The following JAKMIP2 variants were observed in gnomAD, a reference collection of about 807,000 sequenced individuals.
JAKMIP2 encodes janus kinase and microtubule-interacting protein 2.
A neutral mutation model predicts 115.0 loss-of-function variants in JAKMIP2; 25 were observed. The observed-to-expected ratio is 0.22, with a 90% confidence interval of 0.16 to 0.30. The LOEUF (loss-of-function observed/expected upper bound fraction) is 0.30, where lower values mean the gene tolerates loss of function less well. Ranked by LOEUF, JAKMIP2 falls within the 10% of genes least tolerant of loss-of-function variation. JAKMIP2 has a pLI of 1.00. For synonymous variants in JAKMIP2, 334 were observed against 343.6 expected (o/e 0.97, Z 0.31); for missense variants, 642 against 957.6 (o/e 0.67, Z 4.35).
chr5:147,749,714 A>C (rs1754481924), intron 1 of JAKMIP2, among the ~76,000 whole-genome samples: 1 of 152,240 alleles, frequency 6.6e-6, no homozygotes, highest in African/African-American at 2.4e-5. Flanking sequence ...TGGATTATAA[A>C]GAATCAAATG....
intron 1 of JAKMIP2, among the ~76,000 whole-genome samples, chr5:147,755,723 T>C (rs1443790725): frequency 6.6e-6 from 1 of 152,112 alleles, no homozygotes; most frequent in East Asian, 1.9e-4. Context: ...GGAGCAATCA[T>C]AGTGCATTTC....
At chr5:147,761,976 A>G (rs11745685) in intron 1 of JAKMIP2, among the ~76,000 whole-genome samples, 21,746 of 152,098 alleles carry the variant, frequency 0.14, 2,333 homozygotes, top group East Asian at 0.4. Context: ...GGATAAAAAT[A>G]CATATGTCTT....
At chr5:147,661,707 T>C (rs1581373540) in intron 2 of JAKMIP2, 1 of 412,148 alleles carries the variant, frequency 2.4e-6, no homozygotes, top group Admixed American at 4.2e-5. Flanking sequence ...ATGTGTGGTC[T>C]GCAGACAAGC....
In JAKMIP2 at chr5:147,660,982, A is replaced by G; in HGVS notation, c.593T>C (p.Ile198Thr). The stretch of plus-strand genomic sequence containing the variant: ...AATATCCCGCTCCGACTCCCACTTG[A>G]TCTTCGAGATGGCTTCTTGGTGGGA... ...HQSHQEAISK[I>T]KWESERDIRR... The change falls in exon 3 of 22, where the codon ATC becomes ACC. Residue 198 changes from isoleucine (I) to threonine (T), a missense_variant. This residue lies in a region of JAKMIP2 where 439 missense variants were observed against 570.9 expected (regional missense o/e 0.77). Transcript: ENST00000616793. The G allele has an allele frequency of 6.2e-7, 1 of 1,613,640 alleles. No homozygotes were observed. The highest frequency in any genetic ancestry group is 8.5e-7 in the Non-Finnish European group (1 of 1,179,920).
At chr5:147,737,312 A>G (rs1402064840) in intron 1 of JAKMIP2, among the ~76,000 whole-genome samples, 1 of 152,154 alleles carries the variant, frequency 6.6e-6, no homozygotes, top group Non-Finnish European at 1.5e-5. Flanking sequence ...TTATTTTCTC[A>G]GTTTTAGACC....
chr5:147,602,040 A>G (rs1755723346), intron 20 of JAKMIP2, among the ~76,000 whole-genome samples: 1 of 152,206 alleles, frequency 6.6e-6, no homozygotes, highest in African/African-American at 2.4e-5. Context: ...GGTCTTACGA[A>G]CAATTGGTCT....
intron 1 of JAKMIP2, among the ~76,000 whole-genome samples, chr5:147,679,643 A>G (rs1030331848): frequency 6.6e-6 from 1 of 152,234 alleles, no homozygotes; most frequent in Non-Finnish European, 1.5e-5. Flanking sequence ...GCATTAACTC[A>G]TTGAACTATT....
Position 147,648,365 on chromosome 5 carries a change from GTA to G in JAKMIP2, c.936+9_936+10del. On this transcript the variant is annotated intron_variant, in intron 5 of 21. Coordinates refer to ENST00000616793, the MANE Select transcript of JAKMIP2 (RefSeq NM_001270941.2). ...ACAACAACATCAACAAAAATTTTTA[GTA>G]TATCTCACCAGTTCATTTCGTTCAT... 2 of 1,495,932 alleles carry G rather than the reference GTA, an allele frequency of 1.3e-6. No homozygotes were observed. Among genetic ancestry groups the G allele is most frequent in the Non-Finnish European group, 1.9e-6 (2 of 1,075,780 alleles). 92.7% of individuals were successfully genotyped at this position (1,495,932 alleles called of 1,614,324 possible). A position where few individuals can be genotyped will look rare whatever the true frequency, so the allele number is the denominator to read the frequency against.
chr5:147,773,104 T>C (rs1424410710), intron 1 of JAKMIP2, among the ~76,000 whole-genome samples: 1 of 152,132 alleles, frequency 6.6e-6, no homozygotes, highest in Non-Finnish European at 1.5e-5. Flanking sequence ...TAGTTTTACT[T>C]GAATTATAAA....
At position 147,735,177 on chromosome 5, in the gene JAKMIP2, C is replaced by T. The variant is rs547281481; in HGVS notation, c.-149+47279G>A. On this transcript the variant is annotated intron_variant, in intron 1 of 21. Coordinates refer to ENST00000616793, the MANE Select transcript of JAKMIP2 (RefSeq NM_001270941.2). ...AGCTTTACCAACAATAAGACCTTGG[C>T]CAAATTACTTAAACTGTCTTAGTTC... 2.0e-5 allele frequency among the ~76,000 whole-genome samples: 3 copies of T among 152,176 alleles called. No individual in the cohort carries two copies. The East Asian group carries it at 5.8e-4, about 29-fold the overall frequency.
chr5:147,632,788 T>A lies in JAKMIP2; in HGVS notation c.1678-10A>T, dbSNP rs1304279668. 4 of 1,569,382 alleles carry A rather than the reference T, an allele frequency of 2.5e-6. No homozygotes were observed. The highest frequency in any genetic ancestry group is 1.7e-5 in the Admixed American group (1 of 59,574). On this transcript the variant is annotated splice_polypyrimidine_tract_variant and intron_variant, in intron 12 of 21. Transcript: ENST00000616793. The stretch of plus-strand genomic sequence containing the variant: ...CCTCCTGTTTTTCTATCTAATAAAG[T>A]AAATCCTGAAGTTAGGTAAGCATTG...
intron 1 of JAKMIP2, among the ~76,000 whole-genome samples, chr5:147,773,065 A>G (rs1755424984): frequency 6.6e-6 from 1 of 152,184 alleles, no homozygotes; most frequent in Non-Finnish European, 1.5e-5. Context: ...TAGGAAGGTC[A>G]GCGCTAACGC....
intron 21 of JAKMIP2, among the ~76,000 whole-genome samples, chr5:147,598,291 C>T (rs1004804027): frequency 2.6e-5 from 4 of 152,078 alleles, no homozygotes; most frequent in Admixed American, 6.6e-5. Flanking sequence ...GAGCCATCAG[C>T]GGTTCTTGGG....
chr5:147,640,974 C>T, intron 8 of JAKMIP2, 151 bp from the exon 9 acceptor site: 1 of 595,288 alleles, frequency 1.7e-6, no homozygotes, highest in Non-Finnish European at 2.8e-6. Flanking sequence ...TAGGCATGAG[C>T]ATAATTCCAA....
At position 147,589,842 on chromosome 5, in the gene JAKMIP2, T is replaced by A. The variant is rs1269011834; in HGVS notation, c.*1865A>T. 6.6e-6 allele frequency: 1 copy of A among 152,250 alleles called. No homozygotes were observed. The highest frequency in any genetic ancestry group is 6.5e-5 in the Admixed American group (1 of 15,284). 9.4% of individuals were successfully genotyped at this position (152,250 alleles called of 1,614,324 possible). On this transcript the variant is annotated 3_prime_UTR_variant, in exon 22 of 22. Transcript: ENST00000616793. ...CTTAAATTTAACCAAACTGAAGCACTATTTTATTACATGAGGGAATCTTTT... is the reference window on the plus strand; with the variant it reads ...CTTAAATTTAACCAAACTGAAGCACAATTTTATTACATGAGGGAATCTTTT...
At chr5:147,607,795 G>T (rs77648345) in intron 20 of JAKMIP2, among the ~76,000 whole-genome samples, 1 of 152,040 alleles carries the variant, frequency 6.6e-6, no homozygotes, top group African/African-American at 2.4e-5. Context: ...CTGTGAATCC[G>T]CCTGGTCCTG....
At chr5:147,758,530 T>C (rs993783486) in intron 1 of JAKMIP2, among the ~76,000 whole-genome samples, 2 of 152,258 alleles carry the variant, frequency 1.3e-5, no homozygotes, top group South Asian at 4.1e-4. Context: ...GACTATCAGA[T>C]CTTTAAAGAG....
intron 21 of JAKMIP2, 74 bp downstream of exon 21, chr5:147,601,667 T>A: frequency 1.1e-6 from 1 of 940,824 alleles, no homozygotes; most frequent in Non-Finnish European, 1.5e-6. Context: ...AAGAAAGGCA[T>A]AGTAACTATA....
At chr5:147,720,888 G>A (rs1471396561) in intron 1 of JAKMIP2, among the ~76,000 whole-genome samples, 2 of 152,236 alleles carry the variant, frequency 1.3e-5, no homozygotes, top group Non-Finnish European at 2.9e-5. Flanking sequence ...TCCATTGCTG[G>A]TGAGGAACTG....
Sources: gnomAD v4.1 joint callset for allele counts (sites outside exome capture counted in the v4.1 genomes callset) on GRCh38, gnomAD v4.1.1 for gene constraint, gnomAD v4.1.1 regional missense constraint, MANE v1.5 for transcripts, NCBI Gene and HGNC (gene_info 2026-07-23, HGNC 2026-07-21) for gene names.